Variants in SZT2 observed in about 807,000 individuals in gnomAD.
SZT2 encodes KICSTOR complex protein SZT2.
Under a neutral mutation model 404.2 loss-of-function variants are expected in SZT2, and 216 were observed. The observed-to-expected ratio is 0.53, with a 90% CI of 0.48 to 0.60. The LOEUF is 0.60. Ranked by LOEUF, SZT2 falls within the 20% of genes least tolerant of loss-of-function variation. The probability of loss-of-function intolerance (pLI) is 0.00; values close to 1 mark genes in which losing one functional copy is unlikely to be tolerated. For missense variants in SZT2, 3,857 were observed against 4,459.2 expected, an observed-to-expected ratio of 0.86 and a Z score of 3.85; for synonymous variants, 1,693 against 1,749.9, an observed-to-expected ratio of 0.97 and a Z score of 0.81.
chr1:43,439,051 C>G lies in SZT2; in HGVS notation c.6750C>G (p.His2250Gln), dbSNP rs1302592457. 2 of 1,614,230 alleles carry G rather than the reference C, an allele frequency of 1.2e-6. No homozygotes were observed. The highest frequency in any genetic ancestry group is 1.7e-5 in the Admixed American group (1 of 60,034). Residue 2250 changes from histidine to glutamine, a missense_variant, in exon 48 of 72, where the codon CAC (histidine) becomes CAG (glutamine). His to Gln is a conservative substitution (Grantham distance 24). This residue lies in a region of SZT2 where 261 missense variants were observed against 372.9 expected (regional missense o/e 0.70). Coordinates refer to ENST00000634258, the MANE Select transcript of SZT2 (RefSeq NM_001365999.1). The surrounding 1 kb of genome is among the most constrained non-coding windows in gnomAD (Gnocchi z 4.2). ...GGCAGAACTTGCTCATCTTCCTGCA[C>G]TCTCCCAAGTACACAGATAGCAACA... ...YLRQNLLIFL[H>Q]SPKYTDSNSR...
chr1:43,443,299 T>C (rs1439237271), intron 60 of SZT2, 32 bp downstream of exon 60: 1 of 1,614,144 alleles, frequency 6.2e-7, no homozygotes, highest in South Asian at 1.1e-5. Flanking sequence ...CTTCCTTGAG[T>C]ATCTGTGATC....
chr1:43,430,622 C>G lies in SZT2; in HGVS notation c.4607C>G (p.Thr1536Ser). 2.5e-6 allele frequency: 4 copies of G among 1,614,212 alleles called. No individual in the cohort carries two copies. The highest frequency in any genetic ancestry group is 1.3e-5 in the African/African-American group (1 of 75,054). ...TCTGCCTCGCTGTCAGACGTAGACA[C>G]TGTGAATCCTGATGAAGACTCCTTC... The part of the protein sequence containing the change: ...LDSASLSDVD[T>S]VNPDEDSFSI... The change falls in exon 32 of 72, where the codon ACT (threonine) becomes AGT (serine). Residue 1536 changes from threonine (T) to serine (S), a missense_variant. By Grantham distance (58) the Thr-to-Ser change is moderately conservative (BLOSUM62 1). Transcript: ENST00000634258.
chr1:43,454,043 G>A lies in SZT2; in HGVS notation c.*3563G>A, dbSNP rs1162158150. On this transcript the variant is annotated 3_prime_UTR_variant, in exon 72 of 72. Transcript: ENST00000634258. Reference sequence around the variant, plus strand: ...CGGCCGGAAAAGGAGCAGGACCCGCGCCTGGAGAAGGTAGGGAGGCCGAGC... The same window carrying A: ...CGGCCGGAAAAGGAGCAGGACCCGCACCTGGAGAAGGTAGGGAGGCCGAGC... 1 of 1,150,316 alleles carries A rather than the reference G, an allele frequency of 8.7e-7. No homozygotes were observed. The highest frequency in any genetic ancestry group is 1.1e-6 in the Non-Finnish European group (1 of 936,732). 71.3% of individuals were successfully genotyped at this position (1,150,316 alleles called of 1,614,324 possible).
At position 43,442,965 on chromosome 1, in the gene SZT2, G is replaced by A. The variant is rs1655237356; in HGVS notation, c.8298G>A (p.Glu2766=). The A allele has an allele frequency of 1.2e-6, 2 of 1,614,134 alleles. No homozygotes were observed. The highest frequency in any genetic ancestry group is 4.5e-5 in the East Asian group (2 of 44,886). The part of the protein sequence containing the change: ...PLPLDTFPFD[E]ALRDITAARP... ...CCCTGGACACATTCCCCTTTGACGA[G>A]GCCCTAAGGGATATCACGGCTGCCC... The change falls in exon 59 of 72, where the codon GAG becomes GAA. Residue 2766 remains glutamate (E), a synonymous_variant. Coordinates refer to ENST00000634258, the MANE Select transcript of SZT2 (RefSeq NM_001365999.1). This position sits in a 1 kb window ranked among gnomAD's most constrained non-coding sequence, Gnocchi z 4.5.
rs757840940 is a variant in SZT2, at chr1:43,450,513, C to G, written c.*33C>G. The G allele has an allele frequency of 1.9e-6, 3 of 1,612,630 alleles. No homozygotes were observed. Among genetic ancestry groups the G allele is most frequent in the Admixed American group, 3.3e-5 (2 of 59,966 alleles). ...GACTGGACCACTGAATGTCACTGTTCCTTGAATCATGGGCCTACCAGATTG... is the reference window on the plus strand; with the variant it reads ...GACTGGACCACTGAATGTCACTGTTGCTTGAATCATGGGCCTACCAGATTG... On this transcript the variant is annotated 3_prime_UTR_variant, in exon 72 of 72. Coordinates refer to ENST00000634258, the MANE Select transcript of SZT2 (RefSeq NM_001365999.1). This position sits in a 1 kb window ranked among gnomAD's most constrained non-coding sequence, Gnocchi z 4.3.
intron 65 of SZT2, 128 bp downstream of exon 65, chr1:43,446,544 T>C: frequency 8.9e-7 from 1 of 1,122,970 alleles, no homozygotes; most frequent in African/African-American, 1.5e-5. Flanking sequence ...GATTCACTGC[T>C]ATGGCCTGGC....
Position 43,425,939 on chromosome 1 carries a change from G to T in SZT2, c.2919G>T (p.Arg973Ser). 6.2e-7 allele frequency: 1 copy of T among 1,614,078 alleles called. No individual in the cohort carries two copies. The highest frequency in any genetic ancestry group is 8.5e-7 in the Non-Finnish European group (1 of 1,179,938). ...KEWGPLPPEPRVSDGLDQGGD... is the reference protein window; with the variant it reads ...KEWGPLPPEPSVSDGLDQGGD... ...GGGGTCCTCTGCCCCCAGAGCCGAG[G>T]GTCTCTGATGGTGAGTGGGGCAGGC... The change falls in exon 20 of 72, where the codon AGG (arginine) becomes AGT (serine). Residue 973 changes from arginine (R) to serine (S), a missense_variant. Arg to Ser is a moderately radical substitution (Grantham distance 110). Coordinates refer to ENST00000634258, the MANE Select transcript of SZT2 (RefSeq NM_001365999.1). The surrounding 1 kb of genome is among the most constrained non-coding windows in gnomAD (Gnocchi z 4.3).
chr1:43,447,430 C>T, intron 66 of SZT2, 115 bp from the exon 67 acceptor site: 1 of 1,414,450 alleles, frequency 7.1e-7, no homozygotes. Flanking sequence ...CTAAGGAAAG[C>T]AGACCCACTC....
chr1:43,401,132 C>T (rs568009784), intron 1 of SZT2, among the ~76,000 whole-genome samples: 5 of 152,154 alleles, frequency 3.3e-5, no homozygotes, highest in Admixed American at 2.6e-4. Context: ...ATCATGTTGC[C>T]CAGGCTGGTC....
chr1:43,399,295 C>T (rs72671118), intron 1 of SZT2, among the ~76,000 whole-genome samples: 8,510 of 151,994 alleles, frequency 0.056, 311 homozygotes, highest in Non-Finnish European at 0.092. Context: ...AGACTTTCAC[C>T]GTGAAAGATA....
intron 12 of SZT2, 68 bp from the exon 13 acceptor site, chr1:43,422,412 G>A: frequency 6.6e-7 from 1 of 1,511,160 alleles, no homozygotes; most frequent in Non-Finnish European, 8.8e-7. Flanking sequence ...GAGAGTGATA[G>A]TAGTCTATTC....
At chr1:43,400,200 A>G (rs1649517666) in intron 1 of SZT2, among the ~76,000 whole-genome samples, 1 of 152,114 alleles carries the variant, frequency 6.6e-6, no homozygotes, top group African/African-American at 2.4e-5. Context: ...TTGGCCTCCC[A>G]AAGTGCTGAG....
chr1:43,424,258 T>A lies in SZT2; in HGVS notation c.2297T>A (p.Leu766Gln), dbSNP rs188397309. ...TTGGACTACCGGGCACCCTTCTTGC[T>A]GACATTGGAGCCACCAGGTCCACTG... ...LPLDYRAPFLLTLEPPGPLPL... is the reference protein window; with the variant it reads ...LPLDYRAPFLQTLEPPGPLPL... Residue 766 changes from leucine to glutamine, a missense_variant, in exon 16 of 72, where the codon CTG (leucine) becomes CAG (glutamine). By Grantham distance (113) the Leu-to-Gln change is moderately radical. This residue lies in a region of SZT2 where 1,725 missense variants were observed against 1,881.0 expected (regional missense o/e 0.92). Transcript: ENST00000634258. The surrounding 1 kb of genome is among the most constrained non-coding windows in gnomAD (Gnocchi z 4.1). 1 of 1,597,972 alleles carries A rather than the reference T, an allele frequency of 6.3e-7. No individual in the cohort carries two copies. The highest frequency in any genetic ancestry group is 8.5e-7 in the Non-Finnish European group (1 of 1,179,544).
chr1:43,399,342 C>G (rs1649384584), intron 1 of SZT2, among the ~76,000 whole-genome samples: 1 of 152,058 alleles, frequency 6.6e-6, no homozygotes, highest in African/African-American at 2.4e-5. Context: ...CTCATCAAGA[C>G]CCAGTCTCAC....
chr1:43,451,945 C>A lies in SZT2; in HGVS notation c.*1465C>A. The stretch of plus-strand genomic sequence containing the variant: ...GGGCTGGGGTCGTACCCTGCTGGGG[C>A]GTGTCCAGGAAGTACTGGGGGTCAG... On this transcript the variant is annotated 3_prime_UTR_variant, in exon 72 of 72. Coordinates refer to ENST00000634258, the MANE Select transcript of SZT2 (RefSeq NM_001365999.1). The A allele has an allele frequency of 6.2e-7, 1 of 1,612,136 alleles. No individual in the cohort carries two copies. The highest frequency in any genetic ancestry group is 8.5e-7 in the Non-Finnish European group (1 of 1,178,552).
chr1:43,416,481 G>C, intron 6 of SZT2, 54 bp from the exon 7 acceptor site: 1 of 1,492,748 alleles, frequency 6.7e-7, no homozygotes, highest in Non-Finnish European at 9.2e-7. Context: ...GTGCCTCCCT[G>C]TGAGTTTGGT....
At position 43,441,972 on chromosome 1, in the gene SZT2, C is replaced by T. The variant is rs767865790; in HGVS notation, c.7743-28C>T. 10 of 1,601,302 alleles carry T rather than the reference C, an allele frequency of 6.2e-6. No individual in the cohort carries two copies. The highest frequency in any genetic ancestry group is 8.5e-6 in the Non-Finnish European group (10 of 1,172,138). Reference sequence around the variant, plus strand: ...GGCCAGGGAGTGGTGTCATGGATGGCCTTTCTGTCTGTCCTCCCTTTCAAT... The same window carrying T: ...GGCCAGGGAGTGGTGTCATGGATGGTCTTTCTGTCTGTCCTCCCTTTCAAT... On this transcript the variant is annotated intron_variant, in intron 55 of 71. Coordinates refer to ENST00000634258, the MANE Select transcript of SZT2 (RefSeq NM_001365999.1). The surrounding 1 kb of genome is among the most constrained non-coding windows in gnomAD (Gnocchi z 4.8).
intron 30 of SZT2, 64 bp from the exon 31 acceptor site, chr1:43,430,247 C>T (rs1030444887): frequency 6.3e-7 from 1 of 1,587,168 alleles, no homozygotes; most frequent in Non-Finnish European, 8.6e-7. Context: ...AGTGTAATCC[C>T]ACTTGCCTAG....
rs1570769740 is a variant in SZT2, at chr1:43,453,658, C to T, written c.*3178C>T. On this transcript the variant is annotated 3_prime_UTR_variant, in exon 72 of 72. Coordinates refer to ENST00000634258, the MANE Select transcript of SZT2 (RefSeq NM_001365999.1). ...TCTCGCGCGGCGCGCGCCAGCGCCT[C>T]AGGCGTCTCCGCGTACGGCCAGGCC... 11 of 1,486,142 alleles carry T rather than the reference C, an allele frequency of 7.4e-6. No individual in the cohort carries two copies. The highest frequency in any genetic ancestry group is 1.3e-5 in the South Asian group (1 of 78,182). 92.1% of individuals were successfully genotyped at this position (1,486,142 alleles called of 1,614,324 possible). A position where few individuals can be genotyped will look rare whatever the true frequency, so the allele number is the denominator to read the frequency against.
Sources: allele counts gnomAD v4.1 joint callset (sites outside exome capture counted in the v4.1 genomes callset), GRCh38; gene constraint gnomAD v4.1.1; regional missense constraint gnomAD v4.1.1; non-coding constraint Gnocchi (gnomAD v3.1); transcripts MANE v1.5; gene names NCBI Gene and HGNC (gene_info 2026-07-23, HGNC 2026-07-21).